Variants in ARMH3 observed in about 807,000 individuals in gnomAD.
ARMH3 encodes armadillo-like helical domain-containing protein 3.
ARMH3 carries 60 observed loss-of-function variants against 99.1 expected under a neutral mutation model. The ratio of observed to expected loss-of-function variants is 0.61; its 90% confidence interval spans 0.49 to 0.75. ARMH3 has a LOEUF of 0.75. Among genes scored for constraint, ARMH3 ranks in the 30% least tolerant of loss-of-function variants. The pLI is 0.00. For missense variants in ARMH3, 679 were observed against 843.1 expected (o/e 0.81, Z 2.41); for synonymous variants, 285 against 292.8 (o/e 0.97, Z 0.27).
At chr10:101,963,302 C>T (rs2135850362) in intron 20 of ARMH3, among the ~76,000 whole-genome samples, 1 of 151,646 alleles carries the variant, frequency 6.6e-6, no homozygotes, top group East Asian at 2.0e-4. Context: ...GCCACCACAC[C>T]TGCCTAATTT....
chr10:102,038,692 T>C (rs1039893734), intron 2 of ARMH3, among the ~76,000 whole-genome samples: 1 of 152,094 alleles, frequency 6.6e-6, no homozygotes, highest in African/African-American at 2.4e-5. Context: ...TATTTAGTGA[T>C]ACATTTAGAA....
intron 20 of ARMH3, among the ~76,000 whole-genome samples, chr10:101,960,865 G>A (rs1458294129): frequency 1.3e-5 from 2 of 149,332 alleles, no homozygotes; most frequent in African/African-American, 4.9e-5. Context: ...ACTCTAGCCT[G>A]GGCGACAGAG....
chr10:102,041,236 A>G (rs1461329203), intron 1 of ARMH3, among the ~76,000 whole-genome samples: 2 of 151,000 alleles, frequency 1.3e-5, no homozygotes, highest in Non-Finnish European at 3.0e-5. Context: ...TTTTTTTTCA[A>G]TTGAGAACCC....
chr10:101,879,141 C>T (rs2067345585), intron 24 of ARMH3, among the ~76,000 whole-genome samples: 1 of 152,116 alleles, frequency 6.6e-6, no homozygotes, highest in African/African-American at 2.4e-5. Flanking sequence ...CTTTCCTGTA[C>T]TTTTTCCTTC....
At chr10:101,852,621 C>T (rs1031463002) in intron 24 of ARMH3, among the ~76,000 whole-genome samples, 3 of 152,114 alleles carry the variant, frequency 2.0e-5, no homozygotes, top group South Asian at 4.2e-4. Context: ...TGGTGGTGCG[C>T]ACCTATAATC....
intron 23 of ARMH3, among the ~76,000 whole-genome samples, chr10:101,890,630 T>C (rs768661423): frequency 6.6e-6 from 1 of 152,180 alleles, no homozygotes; most frequent in Non-Finnish European, 1.5e-5. Context: ...TTCCTGAGGG[T>C]GGGCTAGATT....
rs768409043 is a variant in ARMH3, at chr10:102,040,136, A to C, written c.-11-11T>G. 168 of 1,596,114 alleles carry C rather than the reference A, an allele frequency of 1.1e-4. No individual in the cohort carries two copies. The highest frequency in any genetic ancestry group is 7.8e-5 in the Non-Finnish European group (91 of 1,163,690). On this transcript the variant is annotated splice_polypyrimidine_tract_variant and intron_variant, in intron 1 of 25. Transcript: ENST00000370033. ...CCATGGTTAGAGAATCTGTGAACAGAAAGTCACATTTTAGAATAGTGAAAA... is the reference window on the plus strand; with the variant it reads ...CCATGGTTAGAGAATCTGTGAACAGCAAGTCACATTTTAGAATAGTGAAAA...
At chr10:101,959,695 C>G (rs914180848) in intron 20 of ARMH3, among the ~76,000 whole-genome samples, 2 of 152,192 alleles carry the variant, frequency 1.3e-5, no homozygotes, top group East Asian at 3.8e-4. Context: ...AGGAAGAGAG[C>G]AACTCTGGCA....
chr10:101,933,818 G>A (rs1039330991), intron 23 of ARMH3, among the ~76,000 whole-genome samples: 1 of 152,198 alleles, frequency 6.6e-6, no homozygotes, highest in African/African-American at 2.4e-5. Flanking sequence ...CTCCCTGCTA[G>A]TCAAGAGTCA....
chr10:101,936,706 C>T (rs1335246958), intron 23 of ARMH3, among the ~76,000 whole-genome samples: 1 of 152,016 alleles, frequency 6.6e-6, no homozygotes, highest in Admixed American at 6.6e-5. Context: ...ATCTGTATAC[C>T]CATGTTCATA....
chr10:101,850,674 C>A (rs558718247), intron 24 of ARMH3, among the ~76,000 whole-genome samples: 2 of 152,290 alleles, frequency 1.3e-5, no homozygotes, highest in East Asian at 3.9e-4. Context: ...ATCCACCAGA[C>A]TTGACCTCCA....
chr10:101,930,611 C>T (rs1843684798), intron 23 of ARMH3, among the ~76,000 whole-genome samples: 1 of 152,174 alleles, frequency 6.6e-6, no homozygotes, highest in Admixed American at 6.5e-5. Flanking sequence ...AAAACACAAA[C>T]TCTTCCCACC....
chr10:102,010,960 G>A (rs1185523272), intron 11 of ARMH3, among the ~76,000 whole-genome samples: 2 of 152,166 alleles, frequency 1.3e-5, no homozygotes, highest in Non-Finnish European at 2.9e-5. Flanking sequence ...AGTGGAGGAG[G>A]AGAGGGGGCA....
chr10:102,045,116 C>T (rs1326028403), intron 1 of ARMH3, among the ~76,000 whole-genome samples: 1 of 138,038 alleles, frequency 7.2e-6, no homozygotes, highest in African/African-American at 2.8e-5. Context: ...AGCAACAGAG[C>T]CAGCCCTTGT....
At chr10:102,018,737 C>G (rs2066807217) in intron 8 of ARMH3, among the ~76,000 whole-genome samples, 1 of 152,162 alleles carries the variant, frequency 6.6e-6, no homozygotes, top group Non-Finnish European at 1.5e-5. Flanking sequence ...GGGCAGATCA[C>G]TTGAGGTCAG....
intron 19 of ARMH3, 81 bp from the exon 20 acceptor site, chr10:101,975,381 C>CT: frequency 9.0e-7 from 1 of 1,105,112 alleles, no homozygotes; most frequent in South Asian, 1.3e-5. Context: ...AGTGAGCCAG[C>CT]TTTGCTAAGG....
intron 13 of ARMH3, among the ~76,000 whole-genome samples, chr10:102,007,159 C>CAA (rs10639768): frequency 1.8e-4 from 11 of 60,020 alleles, no homozygotes; most frequent in South Asian, 7.9e-4. Flanking sequence ...GACTCTATCT[C>CAA]AAAAAAAAAA....
intron 20 of ARMH3, among the ~76,000 whole-genome samples, chr10:101,962,987 T>A (rs1042696132): frequency 2.5e-4 from 34 of 137,014 alleles, no homozygotes; most frequent in African/African-American, 9.2e-4. Flanking sequence ...TTTTTTTTTT[T>A]GAGACAGAGC....
intron 23 of ARMH3, among the ~76,000 whole-genome samples, chr10:101,892,563 A>T (rs1274017631): frequency 1.3e-5 from 2 of 152,212 alleles, no homozygotes; most frequent in Non-Finnish European, 2.9e-5. Context: ...GATAGTAAAG[A>T]ATTATAGAAC....
Sources: gnomAD v4.1 joint callset for allele counts (sites outside exome capture counted in the v4.1 genomes callset) on GRCh38, gnomAD v4.1.1 for gene constraint, MANE v1.5 for transcripts, NCBI Gene and HGNC (gene_info 2026-07-23, HGNC 2026-07-21) for gene names.